The following LHFPL1 variants were observed in gnomAD, a reference collection of about 807,000 sequenced individuals.
The protein encoded by LHFPL1 is LHFPL tetraspan subfamily member 1 protein.
Under a neutral mutation model 12.1 loss-of-function variants are expected in LHFPL1, and 4 were observed. The ratio of observed to expected loss-of-function variants is 0.33; its 90% CI spans 0.16 to 0.76. The LOEUF is 0.76. Among genes scored for constraint, LHFPL1 ranks in the 30% least tolerant of loss-of-function variants. The probability of loss-of-function intolerance (pLI) is 0.61; values close to 1 mark genes in which losing one functional copy is unlikely to be tolerated. For synonymous variants in LHFPL1, 52 were observed against 61.9 expected (o/e 0.84, Z 0.75); for missense variants, 141 against 174.1 (o/e 0.81, Z 1.07).
intron 3 of LHFPL1, among the ~76,000 whole-genome samples, chrX:112,652,201 C>A (rs1376259345): frequency 3.6e-5 from 4 of 112,065 alleles, no homozygotes; most frequent in Admixed American, 2.8e-4. Context: ...CTCACCAAAC[C>A]CTGTCTCTTC....
intron 1 of LHFPL1, among the ~76,000 whole-genome samples, chrX:112,677,175 C>G (rs955051431): frequency 8.9e-6 from 1 of 111,989 alleles, no homozygotes; most frequent in African/African-American, 3.2e-5. Flanking sequence ...GAAAAAGACA[C>G]AAATCCTTTT....
At chrX:112,656,531 A>G (rs1442906189) in intron 3 of LHFPL1, among the ~76,000 whole-genome samples, 1 of 111,997 alleles carries the variant, frequency 8.9e-6, no homozygotes, top group African/African-American at 3.2e-5. Flanking sequence ...TTAGGCAAGG[A>G]AAACAAGCAA....
chrX:112,676,841 G>T (rs1318876221), intron 1 of LHFPL1, among the ~76,000 whole-genome samples: 3 of 111,766 alleles, frequency 2.7e-5, no homozygotes, highest in Non-Finnish European at 5.6e-5. Flanking sequence ...TGCAACCTAA[G>T]GCCAGATCCT....
intron 2 of LHFPL1, among the ~76,000 whole-genome samples, chrX:112,663,456 C>T (rs142536514): frequency 0.021 from 2,380 of 110,939 alleles, 27 homozygotes; most frequent in Middle Eastern, 0.069. Context: ...GGGAAAGTCC[C>T]TTCTGAAGGG....
In LHFPL1 at chrX:112,643,727, G is replaced by A. The variant is rs746455699; in HGVS notation, c.482-12126C>T. Among the ~76,000 whole-genome samples the A allele has an allele frequency of 2.7e-5, 3 of 111,566 alleles. No individual in the cohort carries two copies. The South Asian group carries it at 1.1e-3, about 42-fold the overall frequency. On this transcript the variant is annotated intron_variant, in intron 3 of 3. Transcript: ENST00000371968. The stretch of plus-strand genomic sequence containing the variant: ...AGGTATTATCATCCTCACTTTAGTC[G>A]TGGGGAAACAGGTTTAAAGAAGTGA...
At chrX:112,638,456 G>A (rs1281735183) in intron 3 of LHFPL1, among the ~76,000 whole-genome samples, 1 of 111,269 alleles carries the variant, frequency 9.0e-6, no homozygotes. Flanking sequence ...CTACAGAGAA[G>A]CACCTAGGAA....
chrX:112,631,630 T>C (rs781105938), intron 3 of LHFPL1, 29 bp from the exon 4 acceptor site: 16 of 1,064,085 alleles, frequency 1.5e-5, no homozygotes, highest in African/African-American at 3.7e-5. Context: ...AGAATGAGGA[T>C]TGGGTTGTCT....
rs147010873 is a variant in LHFPL1 at position 112,661,466 on chromosome X, C to T, written c.383-741G>A. Reference sequence around the variant, plus strand: ...GCTCACAACTTTTTCTTGCTGCGTACGTTTTCACATTTTATATCCTACGGC... The same window carrying T: ...GCTCACAACTTTTTCTTGCTGCGTATGTTTTCACATTTTATATCCTACGGC... On this transcript the variant is annotated intron_variant, in intron 2 of 3. Coordinates refer to ENST00000371968, the MANE Select transcript of LHFPL1 (RefSeq NM_178175.4). Among the ~76,000 whole-genome samples the T allele has an allele frequency of 1.6e-3, 182 of 111,741 alleles. 4 individuals carry two copies. The highest frequency in any genetic ancestry group is 3.8e-4 in the Non-Finnish European group (20 of 53,210).
chrX:112,644,381 A>T (rs1177906840), intron 3 of LHFPL1, among the ~76,000 whole-genome samples: 2 of 111,680 alleles, frequency 1.8e-5, no homozygotes, highest in African/African-American at 3.3e-5. Flanking sequence ...TAACATATAC[A>T]ATATGATGTT....
intron 1 of LHFPL1, among the ~76,000 whole-genome samples, chrX:112,675,751 T>G (rs1931638500): frequency 9.0e-6 from 1 of 111,521 alleles, no homozygotes. Context: ...TCACCCTATT[T>G]AGGACTAGAG....
chrX:112,653,827 A>T (rs1930921674), intron 3 of LHFPL1, among the ~76,000 whole-genome samples: 1 of 112,779 alleles, frequency 8.9e-6, no homozygotes, highest in Admixed American at 9.4e-5. Context: ...TGTAATTGCA[A>T]ATTAGACACT....
intron 3 of LHFPL1, among the ~76,000 whole-genome samples, chrX:112,655,313 T>C (rs750705243): frequency 8.0e-5 from 9 of 112,289 alleles, no homozygotes; most frequent in African/African-American, 2.9e-4. Context: ...CCAGCTTCTC[T>C]ATGGGAAAAG....
At chrX:112,644,382 A>C (rs1429944177) in intron 3 of LHFPL1, among the ~76,000 whole-genome samples, 2 of 111,659 alleles carry the variant, frequency 1.8e-5, no homozygotes, top group African/African-American at 3.3e-5. Context: ...AACATATACA[A>C]TATGATGTTT....
chrX:112,666,793 C>A (rs111297457), intron 2 of LHFPL1, among the ~76,000 whole-genome samples: 6,449 of 111,672 alleles, frequency 0.058, 167 homozygotes, highest in Middle Eastern at 0.1. Flanking sequence ...TCTGTAATAA[C>A]AAGCACCCCA....
At chrX:112,659,246 G>A (rs1931104166) in intron 3 of LHFPL1, among the ~76,000 whole-genome samples, 2 of 111,281 alleles carry the variant, frequency 1.8e-5, no homozygotes, top group Admixed American at 9.5e-5. Flanking sequence ...ATCACCTGAG[G>A]TCAGCAGTTT....
chrX:112,647,972 C>T (rs1467075155), intron 3 of LHFPL1, among the ~76,000 whole-genome samples: 1 of 111,732 alleles, frequency 8.9e-6, no homozygotes, highest in Non-Finnish European at 1.9e-5. Flanking sequence ...GGCACATATA[C>T]ACCATGGAAT....
At chrX:112,667,446 C>A (rs1931367632) in intron 2 of LHFPL1, among the ~76,000 whole-genome samples, 2 of 112,056 alleles carry the variant, frequency 1.8e-5, no homozygotes, top group African/African-American at 6.5e-5. Context: ...TTTTTAAGCA[C>A]CCCAGGTGAT....
chrX:112,641,277 C>CATTTATTTATTTTTCATTTG (rs1424069058), intron 3 of LHFPL1, among the ~76,000 whole-genome samples: 1 of 112,027 alleles, frequency 8.9e-6, no homozygotes, highest in African/African-American at 3.2e-5. Context: ...TCCATTATCT[C>CATTTATTTATTTTTCATTTG]ATTTATTTAT....
chrX:112,631,317 G>A lies in LHFPL1; in HGVS notation c.*103C>T. The stretch of plus-strand genomic sequence containing the variant: ...TAGTTTAAAAAGCATGCAAACACTA[G>A]GCTATGCTAATGACAGTCAGATGAC... On this transcript the variant is annotated 3_prime_UTR_variant, in exon 4 of 4. Transcript: ENST00000371968. 1.5e-6 allele frequency: 1 copy of A among 689,476 alleles called. No homozygotes were observed. The highest frequency in any genetic ancestry group is 2.1e-6 in the Non-Finnish European group (1 of 465,265). 56.8% of individuals were successfully genotyped at this position (689,476 alleles called of 1,213,427 possible).
Sources: allele counts gnomAD v4.1 joint callset (sites outside exome capture counted in the v4.1 genomes callset), GRCh38; gene constraint gnomAD v4.1.1; transcripts MANE v1.5; gene names NCBI Gene and HGNC (gene_info 2026-07-23, HGNC 2026-07-21).